ARHGAP44: variants seen among roughly 807,000 people sequenced by gnomAD.
ARHGAP44 encodes Rho GTPase activating protein 44, also known as rho GTPase-activating protein 44.
Under a neutral mutation model 106.8 loss-of-function variants are expected in ARHGAP44, and 43 were observed. The ratio of observed to expected loss-of-function variants is 0.40; its 90% CI spans 0.32 to 0.52. The LOEUF (loss-of-function observed/expected upper bound fraction) is 0.52, where lower values mean the gene tolerates loss of function less well. Among genes scored for constraint, ARHGAP44 ranks in the 20% least tolerant of loss-of-function variants. ARHGAP44 has a pLI of 0.48. For missense variants in ARHGAP44, 866 were observed against 1,050.5 expected, an observed-to-expected ratio of 0.82 and a Z score of 2.43; for synonymous variants, 439 against 410.3, an observed-to-expected ratio of 1.07 and a Z score of -0.85.
chr17:12,790,019 C>A, intron 1 of ARHGAP44, 128 bp downstream of exon 1: 1 of 880,134 alleles, frequency 1.1e-6, no homozygotes, highest in Non-Finnish European at 1.6e-6. Context: ...CACCAGCTCC[C>A]TCCAGGCGCC....
intron 1 of ARHGAP44, among the ~76,000 whole-genome samples, chr17:12,847,656 G>A (rs1027402449): frequency 6.6e-6 from 1 of 151,908 alleles, no homozygotes; most frequent in Non-Finnish European, 1.5e-5. Context: ...TGGGACTACA[G>A]GTGCCTGCCA....
chr17:12,961,935 G>A (rs534457829), intron 16 of ARHGAP44, among the ~76,000 whole-genome samples: 1 of 152,124 alleles, frequency 6.6e-6, no homozygotes, highest in South Asian at 2.1e-4. Context: ...TGTTATCTTA[G>A]TAACATTAGG....
At position 12,875,944 on chromosome 17, in the gene ARHGAP44, CA is replaced by C. The variant is rs80241135; in HGVS notation, c.54-18985del. Reference sequence around the variant, plus strand: ...GGAGGACAAGAGCGAGACTTCGTCTCAAAAAAAAAAATGTATTGATGATATT... The same window carrying C: ...GGAGGACAAGAGCGAGACTTCGTCTCAAAAAAAAAATGTATTGATGATATT... On this transcript the variant is annotated intron_variant, in intron 1 of 20. Transcript: ENST00000379672. 1.4e-4 allele frequency among the ~76,000 whole-genome samples: 15 copies of C among 109,168 alleles called. No individual in the cohort carries two copies. In the South Asian group the frequency reaches 1.4e-3, roughly 10 times the overall value. The allele number at this position is 109,168 out of a possible 152,430, so 71.6% of individuals were successfully genotyped here. A position where few individuals can be genotyped will look rare whatever the true frequency, so the allele number is the denominator to read the frequency against.
rs562985561 is a variant in ARHGAP44 at position 12,909,556 on chromosome 17, AT to A, written c.275+584del. 6.0e-3 allele frequency among the ~76,000 whole-genome samples: 917 copies of A among 152,360 alleles called. 4 individuals are homozygous for A. Among genetic ancestry groups the A allele is most frequent in the Non-Finnish European group, 9.8e-3 (669 of 68,036 alleles). ...TCCAAAATTATGCTGAAAATTTTCA[AT>A]GATCTTTAGTCAAAAGAAACTCAAG... On this transcript the variant is annotated intron_variant, in intron 4 of 20. Coordinates refer to ENST00000379672, the MANE Select transcript of ARHGAP44 (RefSeq NM_014859.6).
chr17:12,886,791 A>T (rs1272608723), intron 1 of ARHGAP44, among the ~76,000 whole-genome samples: 1 of 151,892 alleles, frequency 6.6e-6, no homozygotes. Context: ...TTTTCTTGTC[A>T]TATTACACTA....
intron 1 of ARHGAP44, among the ~76,000 whole-genome samples, chr17:12,889,312 A>G (rs560169625): frequency 7.8e-4 from 119 of 152,256 alleles, no homozygotes; most frequent in African/African-American, 2.6e-3. Flanking sequence ...AGAAGCTGAA[A>G]TTTTATTTTC....
At chr17:12,914,114 A>C (rs924814749) in intron 4 of ARHGAP44, among the ~76,000 whole-genome samples, 2 of 152,210 alleles carry the variant, frequency 1.3e-5, no homozygotes. Context: ...AAATAAATTC[A>C]AATAAATAGA....
intron 17 of ARHGAP44, 128 bp from the exon 18 acceptor site, chr17:12,973,961 C>A: frequency 9.8e-7 from 1 of 1,024,488 alleles, no homozygotes; most frequent in Non-Finnish European, 1.5e-6. Flanking sequence ...CATCGCTTCC[C>A]GGGCCCCCGG....
At chr17:12,864,908 T>C (rs955061135) in intron 1 of ARHGAP44, among the ~76,000 whole-genome samples, 14 of 152,128 alleles carry the variant, frequency 9.2e-5, no homozygotes, top group Admixed American at 5.2e-4. Flanking sequence ...AGAAATTCTT[T>C]TTCCCATAGA....
intron 20 of ARHGAP44, chr17:12,986,887 GCCCTGTGCGGA>G (rs2039973722): frequency 1.9e-6 from 1 of 518,634 alleles, no homozygotes; most frequent in African/African-American, 1.9e-5. Context: ...AATGTCCCTC[GCCCTGTGCGGA>G]CCCTATTTTA....
chr17:12,907,705 G>C (rs1017314581), intron 3 of ARHGAP44, among the ~76,000 whole-genome samples: 1 of 152,046 alleles, frequency 6.6e-6, no homozygotes, highest in Non-Finnish European at 1.5e-5. Context: ...CATTTTGTCT[G>C]TCCATTTATT....
chr17:12,854,518 G>T (rs568952183), intron 1 of ARHGAP44, among the ~76,000 whole-genome samples: 1 of 152,236 alleles, frequency 6.6e-6, no homozygotes, highest in South Asian at 2.1e-4. Context: ...AAAGAATGAT[G>T]ATACAGTTAG....
At chr17:12,879,610 T>G (rs1372362043) in intron 1 of ARHGAP44, among the ~76,000 whole-genome samples, 1 of 151,556 alleles carries the variant, frequency 6.6e-6, no homozygotes, top group African/African-American at 2.4e-5. Context: ...GTAAAAACTT[T>G]AAAGAAGTGT....
chr17:12,794,728 G>C lies in ARHGAP44; in HGVS notation c.53+4837G>C, dbSNP rs577338789. Among the ~76,000 whole-genome samples the C allele has an allele frequency of 3.3e-5, 5 of 152,174 alleles. No homozygotes were observed. In the East Asian group the frequency reaches 7.8e-4, roughly 24 times the overall value. ...TTGCATACATTGCAAAGCAGGCTTG[G>C]TTTCTGGTGCACAGCTTTGCAGGTA... On this transcript the variant is annotated intron_variant, in intron 1 of 20. Transcript: ENST00000379672.
intron 20 of ARHGAP44, among the ~76,000 whole-genome samples, chr17:12,989,491 C>T (rs765376455): frequency 1.3e-5 from 2 of 152,136 alleles, no homozygotes; most frequent in Admixed American, 6.5e-5. Context: ...CAGTCAGGGA[C>T]AGTTGGCACC....
chr17:12,817,348 C>T (rs766497446), intron 1 of ARHGAP44, among the ~76,000 whole-genome samples: 1 of 151,978 alleles, frequency 6.6e-6, no homozygotes, highest in African/African-American at 2.4e-5. Flanking sequence ...ATGCATTGCA[C>T]GCCTGTGTCA....
intron 1 of ARHGAP44, among the ~76,000 whole-genome samples, chr17:12,866,203 G>C (rs1057276105): frequency 4.6e-5 from 7 of 152,124 alleles, no homozygotes; most frequent in African/African-American, 1.7e-4. Context: ...TATGATTTTA[G>C]GGGTTGGAAG....
At chr17:12,819,418 T>G (rs2034697518) in intron 1 of ARHGAP44, among the ~76,000 whole-genome samples, 1 of 152,028 alleles carries the variant, frequency 6.6e-6, no homozygotes, top group African/African-American at 2.4e-5. Flanking sequence ...CAAATCTCTT[T>G]GTGAATTGTG....
intron 1 of ARHGAP44, among the ~76,000 whole-genome samples, chr17:12,845,897 A>G (rs964325680): frequency 2.0e-5 from 3 of 152,218 alleles, no homozygotes; most frequent in South Asian, 2.1e-4. Flanking sequence ...TGGGTAAGCT[A>G]TGAAGCCCAT....
Sources: allele counts gnomAD v4.1 joint callset (sites outside exome capture counted in the v4.1 genomes callset), GRCh38; gene constraint gnomAD v4.1.1; transcripts MANE v1.5; gene names NCBI Gene and HGNC (gene_info 2026-07-23, HGNC 2026-07-21).